ZFPM2: variants seen among roughly 807,000 people sequenced by gnomAD.
ZFPM2 encodes zinc finger protein ZFPM2.
ZFPM2 carries 20 observed loss-of-function variants against 98.6 expected under a neutral mutation model. The observed-to-expected ratio is 0.20, with a 90% CI of 0.14 to 0.29. The LOEUF (loss-of-function observed/expected upper bound fraction) is 0.29, where lower values mean the gene tolerates loss of function less well. Among genes scored for constraint, ZFPM2 ranks in the 10% least tolerant of loss-of-function variants. ZFPM2 has a pLI of 1.00. For missense variants in ZFPM2, 1,310 were observed against 1,388.6 expected (o/e 0.94, Z 0.90); for synonymous variants, 518 against 502.7 (o/e 1.03, Z -0.41).
At chr8:105,722,676 C>T (rs1377861100) in intron 5 of ZFPM2, among the ~76,000 whole-genome samples, 3 of 151,726 alleles carry the variant, frequency 2.0e-5, no homozygotes, top group Non-Finnish European at 4.4e-5. Context: ...AGGGCTTCAT[C>T]CTTGCTGTCC....
In ZFPM2 at chr8:105,708,579, A is replaced by G. The variant is rs748254937; in HGVS notation, c.532+74222A>G. On this transcript the variant is annotated intron_variant, in intron 5 of 7. Transcript: ENST00000407775. ...CGAGTAGTTGGGACTACAGGTGTGC[A>G]CCATCCTGCCCACCTAATTTATTTT... Among the ~76,000 whole-genome samples the G allele has an allele frequency of 3.5e-4, 53 of 151,902 alleles. 1 individual carries two copies. The highest frequency in any genetic ancestry group is 1.5e-5 in the Non-Finnish European group (1 of 67,936).
At chr8:105,671,098 T>G (rs530673102) in intron 5 of ZFPM2, among the ~76,000 whole-genome samples, 1 of 152,078 alleles carries the variant, frequency 6.6e-6, no homozygotes, top group Non-Finnish European at 1.5e-5. Flanking sequence ...TTCATCTCTT[T>G]AAAACAGGGA....
chr8:105,609,349 G>A (rs116346561), intron 4 of ZFPM2, among the ~76,000 whole-genome samples: 95 of 152,196 alleles, frequency 6.2e-4, no homozygotes, highest in African/African-American at 2.3e-3. Flanking sequence ...TAACAAATGG[G>A]ATCTTTTGCC....
intron 4 of ZFPM2, among the ~76,000 whole-genome samples, chr8:105,599,960 A>G (rs1422260771): frequency 6.6e-6 from 1 of 152,160 alleles, no homozygotes; most frequent in African/African-American, 2.4e-5. Flanking sequence ...GAAAATTTAT[A>G]TTAGATTTTA....
chr8:105,779,650 C>T (rs1459344469), intron 5 of ZFPM2, among the ~76,000 whole-genome samples: 1 of 152,172 alleles, frequency 6.6e-6, no homozygotes, highest in Admixed American at 6.5e-5. Context: ...TGTTAGGTTA[C>T]TGAATTGCTC....
chr8:105,345,038 C>G (rs1320056452), intron 1 of ZFPM2, among the ~76,000 whole-genome samples: 1 of 152,036 alleles, frequency 6.6e-6, no homozygotes, highest in African/African-American at 2.4e-5. Context: ...ATTCCTATGG[C>G]AAAGGTAAAA....
At chr8:105,368,550 C>A (rs1810554541) in intron 1 of ZFPM2, among the ~76,000 whole-genome samples, 1 of 152,064 alleles carries the variant, frequency 6.6e-6, no homozygotes, top group South Asian at 2.1e-4. Context: ...ATGAGAGAAA[C>A]AAAGGTTTTT....
intron 1 of ZFPM2, among the ~76,000 whole-genome samples, chr8:105,409,955 C>A (rs1811543258): frequency 6.6e-6 from 1 of 151,834 alleles, no homozygotes; most frequent in African/African-American, 2.4e-5. Flanking sequence ...CCAATGAAGC[C>A]AGGCATCATT....
At chr8:105,541,795 T>C (rs1385970126) in intron 3 of ZFPM2, among the ~76,000 whole-genome samples, 2 of 152,202 alleles carry the variant, frequency 1.3e-5, no homozygotes, top group African/African-American at 4.8e-5. Context: ...TACTATTTTA[T>C]TGCAGTATTG....
chr8:105,570,651 G>A (rs1402712477), intron 4 of ZFPM2, among the ~76,000 whole-genome samples: 3 of 152,134 alleles, frequency 2.0e-5, no homozygotes, highest in Non-Finnish European at 4.4e-5. Context: ...TACCTTTTGT[G>A]TATAGCTAGC....
intron 3 of ZFPM2, among the ~76,000 whole-genome samples, chr8:105,533,529 G>C (rs1814342459): frequency 6.6e-6 from 1 of 152,034 alleles, no homozygotes; most frequent in Non-Finnish European, 1.5e-5. Context: ...GAAGAATTTT[G>C]AAACTTAACA....
intron 3 of ZFPM2, among the ~76,000 whole-genome samples, chr8:105,456,821 C>T (rs1244246520): frequency 1.3e-5 from 2 of 152,106 alleles, no homozygotes; most frequent in East Asian, 1.9e-4. Flanking sequence ...TACAGGCTCA[C>T]ACCACCATGC....
chr8:105,450,201 C>T (rs1812458138), intron 3 of ZFPM2, among the ~76,000 whole-genome samples: 1 of 152,044 alleles, frequency 6.6e-6, no homozygotes, highest in African/African-American at 2.4e-5. Flanking sequence ...CTGCTTTGTA[C>T]TTTAAACTAG....
At chr8:105,662,568 C>T (rs1363317591) in intron 5 of ZFPM2, 3 of 151,854 alleles carry the variant, frequency 2.0e-5, no homozygotes, top group African/African-American at 7.3e-5. Context: ...CACGAAGCAG[C>T]TGCAGTATCC....
chr8:105,652,645 T>C (rs10105946), intron 5 of ZFPM2, among the ~76,000 whole-genome samples: 128,098 of 152,076 alleles, frequency 0.84, 54,199 homozygotes, highest in African/African-American at 0.93. Context: ...TGATTATTCT[T>C]TAGGTCAGCT....
At position 105,727,816 on chromosome 8, in the gene ZFPM2, T is replaced by G. The variant is rs1274516324; in HGVS notation, c.533-60902T>G. 2.6e-5 allele frequency among the ~76,000 whole-genome samples: 4 copies of G among 151,674 alleles called. No individual in the cohort carries two copies. The East Asian group carries it at 7.8e-4, about 30-fold the overall frequency. ...GAAAGGAAGGAAGTTATCTAGAGAT[T>G]TGCAGAAAAGTATCATAGAGCAATT... is the stretch of plus-strand genomic sequence containing the variant. On this transcript the variant is annotated intron_variant, in intron 5 of 7. Coordinates refer to ENST00000407775, the MANE Select transcript of ZFPM2 (RefSeq NM_012082.4).
At chr8:105,519,269 A>T (rs1000100986) in intron 3 of ZFPM2, among the ~76,000 whole-genome samples, 35 of 152,286 alleles carry the variant, frequency 2.3e-4, no homozygotes, top group African/African-American at 8.2e-4. Flanking sequence ...GGGTGAGAAG[A>T]AAGTTCATAC....
At chr8:105,646,385 A>G (rs1038611105) in intron 5 of ZFPM2, among the ~76,000 whole-genome samples, 4 of 152,012 alleles carry the variant, frequency 2.6e-5, no homozygotes, top group African/African-American at 9.7e-5. Flanking sequence ...ATTCTGTTTA[A>G]CCTTTAGGGA....
chr8:105,562,354 AAAT>A (rs1296481112), intron 4 of ZFPM2, among the ~76,000 whole-genome samples: 146 of 143,740 alleles, frequency 1.0e-3, no homozygotes, highest in African/African-American at 4.0e-3. Context: ...ATAAATAAAT[AAAT>A]GGAAAGGTAG....
Sources: allele counts gnomAD v4.1 joint callset (sites outside exome capture counted in the v4.1 genomes callset), GRCh38; gene constraint gnomAD v4.1.1; transcripts MANE v1.5; gene names NCBI Gene and HGNC (gene_info 2026-07-23, HGNC 2026-07-21).